ROBO1: variants seen among roughly 807,000 people sequenced by gnomAD.
ROBO1 encodes roundabout guidance receptor 1.
In ROBO1, 149 loss-of-function variants were observed where a neutral mutation model predicts 195.9. The ratio of observed to expected loss-of-function variants is 0.76; its 90% CI spans 0.67 to 0.87. The LOEUF is 0.87. Ranked by LOEUF, ROBO1 falls within the 40% of genes least tolerant of loss-of-function variation. The probability of loss-of-function intolerance (pLI) is 0.00; values close to 1 mark genes in which losing one functional copy is unlikely to be tolerated. For missense variants in ROBO1, 1,933 were observed against 2,068.3 expected, an observed-to-expected ratio of 0.93 and a Z score of 1.27; for synonymous variants, 816 against 733.2, an observed-to-expected ratio of 1.11 and a Z score of -1.82.
intron 4 of ROBO1, among the ~76,000 whole-genome samples, chr3:78,908,358 A>G (rs1252904819): frequency 8.6e-5 from 13 of 151,896 alleles, no homozygotes; most frequent in Non-Finnish European, 1.5e-5. Flanking sequence ...GCACAATTCC[A>G]AAACTAAGGA....
intron 2 of ROBO1, among the ~76,000 whole-genome samples, chr3:79,434,473 A>T (rs1336455919): frequency 1.3e-5 from 2 of 152,126 alleles, no homozygotes; most frequent in Admixed American, 1.3e-4. Flanking sequence ...AAAATGCTCA[A>T]CATCACTGGC....
chr3:79,617,023 A>C (rs1576123504), intron 1 of ROBO1, among the ~76,000 whole-genome samples: 1 of 152,314 alleles, frequency 6.6e-6, no homozygotes, highest in East Asian at 1.9e-4. Flanking sequence ...TGTGGCCTTG[A>C]GATAAAGCAC....
chr3:79,306,226 A>C (rs2033210956), intron 2 of ROBO1, among the ~76,000 whole-genome samples: 1 of 152,232 alleles, frequency 6.6e-6, no homozygotes, highest in Admixed American at 6.5e-5. Context: ...AACAGCTGTA[A>C]AAGTTCTACT....
At chr3:78,937,978 A>C (rs2107680654) in intron 4 of ROBO1, 1 of 139,082 alleles carries the variant, frequency 7.2e-6, no homozygotes, top group East Asian at 2.2e-4. Flanking sequence ...GCTATGGATA[A>C]GAGAGAGAGT....
chr3:79,359,329 C>T (rs903582670), intron 2 of ROBO1, among the ~76,000 whole-genome samples: 1 of 151,952 alleles, frequency 6.6e-6, no homozygotes, highest in Non-Finnish European at 1.5e-5. Context: ...TACTTTCTTT[C>T]TGTCAGCATT....
intron 2 of ROBO1, among the ~76,000 whole-genome samples, chr3:79,384,907 A>T (rs561273901): frequency 2.6e-5 from 4 of 152,240 alleles, no homozygotes; most frequent in African/African-American, 9.6e-5. Context: ...TCTCCGATAC[A>T]GGAAAGTTAT....
At chr3:79,169,136 C>T (rs982432479) in intron 2 of ROBO1, among the ~76,000 whole-genome samples, 4 of 152,074 alleles carry the variant, frequency 2.6e-5, no homozygotes, top group Non-Finnish European at 5.9e-5. Context: ...AATAGCAAGG[C>T]TATGAAAGTG....
Position 78,831,786 on chromosome 3 carries a change from A to G in ROBO1, c.500-84886T>C, listed in dbSNP as rs542159800. Among the ~76,000 whole-genome samples the G allele has an allele frequency of 5.3e-5, 8 of 152,354 alleles. No individual in the cohort carries two copies. The East Asian group carries it at 9.6e-4, about 18-fold the overall frequency. On this transcript the variant is annotated intron_variant, in intron 4 of 30. Transcript: ENST00000464233. ...TCATGGTGGAAAGCAAAGGATGAGC[A>G]AAGTCACATCTTATGTGGTGACAGG... is the stretch of plus-strand genomic sequence containing the variant.
At position 79,678,966 on chromosome 3, in the gene ROBO1, A is replaced by G. The variant is rs191579820; in HGVS notation, c.-51+88786T>C. Among the ~76,000 whole-genome samples the G allele has an allele frequency of 2.2e-3, 342 of 152,212 alleles. 2 individuals carry two copies. Among genetic ancestry groups the G allele is most frequent in the Middle Eastern group, 0.02 (6 of 294 alleles). On this transcript the variant is annotated intron_variant, in intron 1 of 30. Coordinates refer to ENST00000464233, the MANE Select transcript of ROBO1 (RefSeq NM_002941.4). ...AATGGACACTTAATGAATACTATGG[A>G]AAAAGGTAATTAATTTTTTTCTTTT... is the stretch of plus-strand genomic sequence containing the variant.
chr3:78,833,098 T>C (rs2032376746), intron 4 of ROBO1, among the ~76,000 whole-genome samples: 2 of 151,944 alleles, frequency 1.3e-5, no homozygotes, highest in Non-Finnish European at 2.9e-5. Flanking sequence ...CCATTCTAGA[T>C]AGATCACGGT....
At chr3:79,339,623 A>G (rs554786691) in intron 2 of ROBO1, among the ~76,000 whole-genome samples, 1 of 152,118 alleles carries the variant, frequency 6.6e-6, no homozygotes, top group South Asian at 2.1e-4. Context: ...TTCCTGATTA[A>G]TTACTTCCTT....
chr3:79,055,467 C>G (rs766628899), intron 3 of ROBO1, among the ~76,000 whole-genome samples: 2 of 152,088 alleles, frequency 1.3e-5, no homozygotes, highest in Non-Finnish European at 2.9e-5. Context: ...ATCCTGCTAA[C>G]ATGGGACTAG....
At chr3:78,894,476 A>T (rs192851027) in intron 4 of ROBO1, among the ~76,000 whole-genome samples, 1 of 152,020 alleles carries the variant, frequency 6.6e-6, no homozygotes, top group Non-Finnish European at 1.5e-5. Context: ...AATCATATTT[A>T]TATGTTTAAT....
Position 79,756,638 on chromosome 3 carries a change from C to T in ROBO1, c.-51+11114G>A, listed in dbSNP as rs77658818. Reference sequence around the variant, plus strand: ...AAATGATTCCATAATAAATATTTATCGAAGTCTTTTTTATTGTGGTAAAAT... The same window carrying T: ...AAATGATTCCATAATAAATATTTATTGAAGTCTTTTTTATTGTGGTAAAAT... On this transcript the variant is annotated intron_variant, in intron 1 of 30. Transcript: ENST00000464233. Among the ~76,000 whole-genome samples, 261 of 150,148 alleles carry T rather than the reference C, an allele frequency of 1.7e-3. 8 individuals carry two copies. In the East Asian group the frequency reaches 0.043, roughly 25 times the overall value.
At chr3:79,520,128 C>T (rs190260532) in intron 2 of ROBO1, among the ~76,000 whole-genome samples, 1 of 150,138 alleles carries the variant, frequency 6.7e-6, no homozygotes, top group East Asian at 2.0e-4. Flanking sequence ...CACCACTGCA[C>T]TGCAGCCTGG....
intron 5 of ROBO1, among the ~76,000 whole-genome samples, chr3:78,727,267 A>G (rs959275075): frequency 2.6e-5 from 4 of 152,030 alleles, no homozygotes; most frequent in African/African-American, 9.7e-5. Context: ...AAAATACAGT[A>G]TTTCTTATTT....
chr3:79,741,734 G>A (rs1228131602), intron 1 of ROBO1, among the ~76,000 whole-genome samples: 2 of 152,112 alleles, frequency 1.3e-5, no homozygotes, highest in African/African-American at 4.8e-5. Context: ...ATGAGAGAGA[G>A]TTTGGAACTT....
intron 4 of ROBO1, among the ~76,000 whole-genome samples, chr3:78,918,697 C>T (rs1334975489): frequency 1.3e-5 from 2 of 152,108 alleles, no homozygotes; most frequent in Non-Finnish European, 2.9e-5. Flanking sequence ...AGACTGTCAA[C>T]TTCAGCTTTT....
chr3:79,226,528 C>T (rs2082229921), intron 2 of ROBO1, among the ~76,000 whole-genome samples: 1 of 150,910 alleles, frequency 6.6e-6, no homozygotes, highest in Non-Finnish European at 1.5e-5. Flanking sequence ...ACTTTCATTT[C>T]ATTTTTCTTT....
Sources: allele counts gnomAD v4.1 joint callset (sites outside exome capture counted in the v4.1 genomes callset), GRCh38; gene constraint gnomAD v4.1.1; transcripts MANE v1.5; gene names NCBI Gene and HGNC (gene_info 2026-07-23, HGNC 2026-07-21).